Variants in FBH1 observed in about 807,000 individuals in gnomAD.
The protein encoded by FBH1 is F-box DNA helicase 1.
Under a neutral mutation model 115.5 loss-of-function variants are expected in FBH1, and 43 were observed. That is an observed-to-expected ratio of 0.37 (90% CI 0.29 to 0.48). The LOEUF is 0.48. Ranked by LOEUF, FBH1 falls within the 20% of genes least tolerant of loss-of-function variation. The pLI is 0.99. For synonymous variants in FBH1, 524 were observed against 507.8 expected, an observed-to-expected ratio of 1.03 and a Z score of -0.43; for missense variants, 1,001 against 1,337.3, an observed-to-expected ratio of 0.75 and a Z score of 3.92.
At chr10:5,928,608 C>G (rs1378708278) in intron 19 of FBH1, 1 of 152,208 alleles carries the variant, frequency 6.6e-6, no homozygotes. Context: ...GGCACCTGGC[C>G]TTTGTCACAG....
rs985421367 is a variant in FBH1 at position 5,937,447 on chromosome 10, C to A, written c.*167C>A. On this transcript the variant is annotated 3_prime_UTR_variant, in exon 21 of 21. Coordinates refer to ENST00000362091, the MANE Select transcript of FBH1 (RefSeq NM_178150.3). ...GGACCTGCCATTTCTCCACTCCCTA[C>A]AGACAGCCAGTCTCCACTTGCCTCC... The A allele has an allele frequency of 1.7e-6, 1 of 596,806 alleles. No homozygotes were observed. Among genetic ancestry groups the A allele is most frequent in the Non-Finnish European group, 2.6e-6 (1 of 387,974 alleles). 37.0% of individuals were successfully genotyped at this position (596,806 alleles called of 1,614,324 possible).
At chr10:5,894,532 A>G (rs1303713478) in intron 1 of FBH1, 3 of 840,684 alleles carry the variant, frequency 3.6e-6, no homozygotes. Context: ...TCTGAGCCCC[A>G]GCTTAATCAT....
intron 1 of FBH1, among the ~76,000 whole-genome samples, chr10:5,892,178 G>A (rs893951166): frequency 6.6e-6 from 1 of 152,126 alleles, no homozygotes; most frequent in East Asian, 1.9e-4. Context: ...CATTTCTTTC[G>A]TGCAGACTTT....
chr10:5,919,744 G>A (rs150712291), intron 13 of FBH1, among the ~76,000 whole-genome samples: 7 of 152,300 alleles, frequency 4.6e-5, no homozygotes, highest in East Asian at 1.9e-4. Context: ...TTCCGTAGAC[G>A]CCTCTGTGAC....
chr10:5,906,513 A>T lies in FBH1; in HGVS notation c.634A>T (p.Ile212Phe). Reference sequence around the variant, plus strand: ...GCCCTGCCAGGAAGCACTGAGCCACATTTGCAGCCTGCCTAGTGAGGTCCT... The same window carrying T: ...GCCCTGCCAGGAAGCACTGAGCCACTTTTGCAGCCTGCCTAGTGAGGTCCT... Reference protein sequence around the residue: ...TLPCQEALSHICSLPSEVLRH... With the variant: ...TLPCQEALSHFCSLPSEVLRH... The change falls in exon 3 of 21, where the codon ATT becomes TTT. Residue 212 changes from isoleucine to phenylalanine, a missense_variant. Physicochemically the swap from Ile to Phe is conservative, Grantham distance 21 (BLOSUM62 0). Around this residue, in one of 4 missense-constraint regions of FBH1, gnomAD observed 420 missense variants for 430.4 expected, o/e 0.98. Coordinates refer to ENST00000362091, the MANE Select transcript of FBH1 (RefSeq NM_178150.3). This position sits in a 1 kb window ranked among gnomAD's most constrained non-coding sequence, Gnocchi z 7.3. The T allele has an allele frequency of 6.2e-7, 1 of 1,613,870 alleles. No homozygotes were observed. The highest frequency in any genetic ancestry group is 8.5e-7 in the Non-Finnish European group (1 of 1,179,972).
At chr10:5,893,427 T>A (rs1842844561) in intron 1 of FBH1, among the ~76,000 whole-genome samples, 1 of 152,258 alleles carries the variant, frequency 6.6e-6, no homozygotes, top group Non-Finnish European at 1.5e-5. Flanking sequence ...AGGACCTTTG[T>A]AGTCTGTGGC....
chr10:5,906,732 T>C lies in FBH1; in HGVS notation c.753+100T>C. On this transcript the variant is annotated intron_variant, in intron 3 of 20. Transcript: ENST00000362091. This position sits in a 1 kb window ranked among gnomAD's most constrained non-coding sequence, Gnocchi z 7.3. ...AGGATCTTTTCAGAAATGGTTTCCA[T>C]TTGCCTTCAGAAGACATTCAGACTC... 9.5e-7 allele frequency: 1 copy of C among 1,057,770 alleles called. No individual in the cohort carries two copies. The highest frequency in any genetic ancestry group is 1.6e-5 in the South Asian group (1 of 63,884). The allele number at this position is 1,057,770 out of a possible 1,614,324, so 65.5% of individuals were successfully genotyped here.
intron 1 of FBH1, among the ~76,000 whole-genome samples, chr10:5,891,806 T>G (rs1363701373): frequency 6.6e-6 from 1 of 152,132 alleles, no homozygotes; most frequent in Non-Finnish European, 1.5e-5. Flanking sequence ...GAGACGGGGT[T>G]TCACCATGTT....
At chr10:5,904,860 T>C (rs147583851) in intron 2 of FBH1, among the ~76,000 whole-genome samples, 20 of 152,262 alleles carry the variant, frequency 1.3e-4, no homozygotes, top group African/African-American at 4.6e-4. Flanking sequence ...TTTACTAATA[T>C]AGAAAAATAT....
Position 5,914,825 on chromosome 10 carries a change from T to C in FBH1, c.1396+556T>C, listed in dbSNP as rs1209455308. ...TGCCTGTAATCCCTTCCTGCTCCTT[T>C]TGTGGCTAAATACCCTGCTAACAAC... On this transcript the variant is annotated intron_variant, in intron 8 of 20. Coordinates refer to ENST00000362091, the MANE Select transcript of FBH1 (RefSeq NM_178150.3). The surrounding 1 kb of genome is among the most constrained non-coding windows in gnomAD (Gnocchi z 5.2). 3.3e-5 allele frequency among the ~76,000 whole-genome samples: 5 copies of C among 152,214 alleles called. No individual in the cohort carries two copies. Among genetic ancestry groups the C allele is most frequent in the Non-Finnish European group, 5.9e-5 (4 of 68,032 alleles).
intron 19 of FBH1, chr10:5,929,378 T>A (rs925799354): frequency 4.6e-5 from 7 of 152,222 alleles, no homozygotes; most frequent in African/African-American, 1.7e-4. Flanking sequence ...CCTCCAGGCC[T>A]CTCTTAGGTA....
chr10:5,890,163 C>A (rs1044657321), upstream of FBH1: 7 of 327,368 alleles, frequency 2.1e-5, no homozygotes, highest in Non-Finnish European at 3.4e-5. Context: ...GCCGTCAGTC[C>A]GGCTCCGGCG....
rs1049027274 is a variant in FBH1, at chr10:5,925,636, C to T, written c.2722+144C>T. 3 of 1,212,478 alleles carry T rather than the reference C, an allele frequency of 2.5e-6. No individual in the cohort carries two copies. Among genetic ancestry groups the T allele is most frequent in the Non-Finnish European group, 3.4e-6 (3 of 874,084 alleles). The allele number at this position is 1,212,478 out of a possible 1,614,324, so 75.1% of individuals were successfully genotyped here. ...GGAAAAACTAAACCACAAAACACCT[C>T]CTAGTCCTAAACTTTTGATTCTTAT... On this transcript the variant is annotated intron_variant, in intron 18 of 20. Coordinates refer to ENST00000362091, the MANE Select transcript of FBH1 (RefSeq NM_178150.3). The surrounding 1 kb of genome is among the most constrained non-coding windows in gnomAD (Gnocchi z 4.6).
chr10:5,923,786 C>T lies in FBH1; in HGVS notation c.2398+90C>T, dbSNP rs558407537. Reference sequence around the variant, plus strand: ...GCAGGCCCAGTCTGAGTCAGGGACCCGTTTCCCTCCAGAGAAGGGCGAGCT... The same window carrying T: ...GCAGGCCCAGTCTGAGTCAGGGACCTGTTTCCCTCCAGAGAAGGGCGAGCT... On this transcript the variant is annotated intron_variant, in intron 16 of 20. Coordinates refer to ENST00000362091, the MANE Select transcript of FBH1 (RefSeq NM_178150.3). This position sits in a 1 kb window ranked among gnomAD's most constrained non-coding sequence, Gnocchi z 5.7. 865 of 1,236,886 alleles carry T rather than the reference C, an allele frequency of 7.0e-4. 1 individual carries two copies. Among genetic ancestry groups the T allele is most frequent in the Non-Finnish European group, 9.1e-4 (783 of 859,320 alleles). The allele number at this position is 1,236,886 out of a possible 1,614,324, so 76.6% of individuals were successfully genotyped here. A position where few individuals can be genotyped will look rare whatever the true frequency, so the allele number is the denominator to read the frequency against.
chr10:5,907,468 GT>G (rs1843773168), intron 3 of FBH1, among the ~76,000 whole-genome samples: 9 of 130,898 alleles, frequency 6.9e-5, no homozygotes, highest in Non-Finnish European at 1.3e-4. Context: ...TTTTGTTGTT[GT>G]TGGTTTTTTT....
intron 1 of FBH1, among the ~76,000 whole-genome samples, chr10:5,901,267 C>T (rs933896497): frequency 5.9e-5 from 9 of 151,938 alleles, no homozygotes; most frequent in East Asian, 3.9e-4. Context: ...CTGCCTCCCA[C>T]GTTCAAGCGA....
intron 1 of FBH1, chr10:5,893,927 A>G (rs993765796): frequency 8.9e-6 from 8 of 902,240 alleles, no homozygotes; most frequent in African/African-American, 3.6e-5. Context: ...ATTCTAGACC[A>G]TAAGTAGTGA....
chr10:5,936,169 A>G lies in FBH1; in HGVS notation c.2830-287A>G, dbSNP rs1361534878. The G allele has an allele frequency of 9.0e-6, 2 of 221,774 alleles. No individual in the cohort carries two copies. The highest frequency in any genetic ancestry group is 4.4e-5 in the African/African-American group (2 of 45,116). The allele number at this position is 221,774 out of a possible 1,614,324, so 13.7% of individuals were successfully genotyped here. A position where few individuals can be genotyped will look rare whatever the true frequency, so the allele number is the denominator to read the frequency against. ...AGCTGGGGATACCTTAGCATAAAATAAAATCCAGAAATATTCTGGAAATGT... is the reference window on the plus strand; with the variant it reads ...AGCTGGGGATACCTTAGCATAAAATGAAATCCAGAAATATTCTGGAAATGT... On this transcript the variant is annotated intron_variant, in intron 19 of 20. Transcript: ENST00000362091. The surrounding 1 kb of genome is among the most constrained non-coding windows in gnomAD (Gnocchi z 5.6).
Position 5,915,745 on chromosome 10 carries a change from C to A in FBH1, c.1565+174C>A. ...TAGGTTTAGCCATTTGTACTTTTATCCTGTAGCAACATATTGTTTACATAT... is the reference window on the plus strand; with the variant it reads ...TAGGTTTAGCCATTTGTACTTTTATACTGTAGCAACATATTGTTTACATAT... On this transcript the variant is annotated intron_variant, in intron 9 of 20. Coordinates refer to ENST00000362091, the MANE Select transcript of FBH1 (RefSeq NM_178150.3). The surrounding 1 kb of genome is among the most constrained non-coding windows in gnomAD (Gnocchi z 5.2). The A allele has an allele frequency of 1.6e-6, 1 of 614,344 alleles. No individual in the cohort carries two copies. Among genetic ancestry groups the A allele is most frequent in the Non-Finnish European group, 2.8e-6 (1 of 352,166 alleles). 38.1% of individuals were successfully genotyped at this position (614,344 alleles called of 1,614,324 possible).
Sources: gnomAD v4.1 joint callset for allele counts (sites outside exome capture counted in the v4.1 genomes callset) on GRCh38, gnomAD v4.1.1 for gene constraint, gnomAD v4.1.1 regional missense constraint, Gnocchi (gnomAD v3.1) non-coding constraint, MANE v1.5 for transcripts, NCBI Gene and HGNC (gene_info 2026-07-23, HGNC 2026-07-21) for gene names.